SEPTIN9: variants seen among roughly 807,000 people sequenced by gnomAD.
SEPTIN9 encodes septin-9.
A neutral mutation model predicts 56.6 loss-of-function variants in SEPTIN9; 13 were observed. The observed-to-expected ratio is 0.23, with a 90% CI of 0.15 to 0.37. SEPTIN9 has a LOEUF of 0.37. SEPTIN9 is among the 10% of genes least tolerant of loss of function. The pLI, the probability that SEPTIN9 is intolerant of heterozygous loss-of-function variation, is 1.00. For synonymous variants in SEPTIN9, 332 were observed against 334.1 expected (o/e 0.99, Z 0.07); for missense variants, 650 against 823.1 (o/e 0.79, Z 2.57).
intron 3 of SEPTIN9, among the ~76,000 whole-genome samples, chr17:77,457,041 C>T (rs189609564): frequency 6.6e-6 from 1 of 152,346 alleles, no homozygotes; most frequent in East Asian, 1.9e-4. Context: ...GACTCCTCTA[C>T]TTGTCTTCTT....
intron 2 of SEPTIN9, among the ~76,000 whole-genome samples, chr17:77,384,345 G>A (rs1490895818): frequency 1.3e-5 from 2 of 152,146 alleles, no homozygotes; most frequent in Non-Finnish European, 2.9e-5. Flanking sequence ...ACTTCTGCAT[G>A]TCCTTCAGTG....
At position 77,286,647 on chromosome 17, in the gene SEPTIN9, G is replaced by A. The variant is rs567749248; in HGVS notation, c.19+5093G>A. Among the ~76,000 whole-genome samples, 753 of 152,152 alleles carry A rather than the reference G, an allele frequency of 4.9e-3. 4 individuals are homozygous for A. Among genetic ancestry groups the A allele is most frequent in the Non-Finnish European group, 8.9e-3 (605 of 67,972 alleles). The stretch of plus-strand genomic sequence containing the variant: ...TGACACTCTCCTGCCATCCCAGGCA[G>A]CCCTGACAGCCCCATGTGACTGGGA... On this transcript the variant is annotated intron_variant, in intron 1 of 11. Coordinates refer to ENST00000427177, the MANE Select transcript of SEPTIN9 (RefSeq NM_001113491.2).
At chr17:77,430,414 G>A (rs1035393875) in intron 3 of SEPTIN9, among the ~76,000 whole-genome samples, 14 of 152,178 alleles carry the variant, frequency 9.2e-5, no homozygotes, top group African/African-American at 7.2e-5. Flanking sequence ...CCACTAGGCC[G>A]TGGATAGAGC....
rs760726891 is a variant in SEPTIN9 at position 77,425,545 on chromosome 17, G to A, written c.721+22842G>A. ...TGGAAGGAGCTGCAGCTGAGCTGGC[G>A]GGCCTCGCACACCCCCAAGGCCGCC... On this transcript the variant is annotated intron_variant, in intron 3 of 11. Transcript: ENST00000427177. This position sits in a 1 kb window ranked among gnomAD's most constrained non-coding sequence, Gnocchi z 4.2. Among the ~76,000 whole-genome samples the A allele has an allele frequency of 7.2e-5, 11 of 152,134 alleles. No homozygotes were observed. The highest frequency in any genetic ancestry group is 1.7e-4 in the African/African-American group (7 of 41,418).
intron 2 of SEPTIN9, among the ~76,000 whole-genome samples, chr17:77,338,699 G>A (rs1339403243): frequency 6.6e-6 from 1 of 152,292 alleles, no homozygotes; most frequent in South Asian, 2.1e-4. Flanking sequence ...GATTACAGGC[G>A]TGAGCCACTG....
At position 77,490,312 on chromosome 17, in the gene SEPTIN9, C is replaced by T. The variant is rs1188693615; in HGVS notation, c.1263-430C>T. ...GGCCAAGCAGGCAAGGGGAGCAGCC[C>T]GCCTGGTGCAGGGGAGCAGCCCGCC... On this transcript the variant is annotated intron_variant, in intron 7 of 11. Transcript: ENST00000427177. Among the ~76,000 whole-genome samples the T allele has an allele frequency of 3.3e-5, 5 of 152,004 alleles. No individual in the cohort carries two copies. The East Asian group carries it at 6.0e-4, about 18-fold the overall frequency.
At chr17:77,342,065 ACT>A (rs982355772) in intron 2 of SEPTIN9, among the ~76,000 whole-genome samples, 21 of 135,154 alleles carry the variant, frequency 1.6e-4, no homozygotes, top group African/African-American at 5.4e-4. Context: ...ACAGAGCAAG[ACT>A]CTGTCTCAAA....
At position 77,488,811 on chromosome 17, in the gene SEPTIN9, C is replaced by T. The variant is rs567692033; in HGVS notation, c.1209C>T (p.Ile403=). ...TCAACATCAACCGCAAGAAGCGCATCCCGGACACCCGCGTCCACTGCTGCC... is the reference window on the plus strand; with the variant it reads ...TCAACATCAACCGCAAGAAGCGCATTCCGGACACCCGCGTCCACTGCTGCC... The part of the protein sequence containing the change: ...EEVNINRKKR[I]PDTRVHCCLY... The change falls in exon 7 of 12, where the codon ATC becomes ATT. Residue 403 remains isoleucine, a synonymous_variant. Transcript: ENST00000427177. 6.2e-7 allele frequency: 1 copy of T among 1,613,646 alleles called. No homozygotes were observed.
chr17:77,412,106 G>A (rs990081467), intron 3 of SEPTIN9, among the ~76,000 whole-genome samples: 5 of 149,692 alleles, frequency 3.3e-5, no homozygotes, highest in African/African-American at 7.4e-5. Context: ...CTCCAGCCTG[G>A]GTGACAGAGC....
intron 3 of SEPTIN9, among the ~76,000 whole-genome samples, chr17:77,461,393 G>A (rs1259356813): frequency 6.6e-6 from 1 of 152,188 alleles, no homozygotes; most frequent in Non-Finnish European, 1.5e-5. Context: ...GTGAGGAGCT[G>A]CAGAGAAGGT....
Position 77,402,156 on chromosome 17 carries a change from C to T in SEPTIN9, c.174C>T (p.Ser58=), listed in dbSNP as rs1265697912. The stretch of plus-strand genomic sequence containing the variant: ...CCCTACTCCGAGCCACTGTGGCCAG[C>T]TCCACCCAGAAATTCCAGGACCTGG... The part of the protein sequence containing the change: ...QTPLLRATVA[S]STQKFQDLGV... The change falls in exon 3 of 12, where the codon AGC becomes AGT. Residue 58 remains serine (S), a synonymous_variant. Transcript: ENST00000427177. The surrounding 1 kb of genome is among the most constrained non-coding windows in gnomAD (Gnocchi z 6.6). The T allele has an allele frequency of 6.2e-7, 1 of 1,613,760 alleles. No homozygotes were observed. Among genetic ancestry groups the T allele is most frequent in the South Asian group, 1.1e-5 (1 of 91,082 alleles).
intron 3 of SEPTIN9, among the ~76,000 whole-genome samples, chr17:77,406,582 G>A (rs1383653663): frequency 6.6e-6 from 1 of 151,926 alleles, no homozygotes; most frequent in Non-Finnish European, 1.5e-5. Context: ...CATGCTTGAG[G>A]TTTTGCTGTA....
chr17:77,485,448 G>C (rs1332493947), intron 4 of SEPTIN9, among the ~76,000 whole-genome samples: 1 of 151,716 alleles, frequency 6.6e-6, no homozygotes, highest in Non-Finnish European at 1.5e-5. Flanking sequence ...GACGGAAGTG[G>C]TGATGATGGC....
Position 77,456,331 on chromosome 17 carries a change from C to T in SEPTIN9, c.722-25813C>T, listed in dbSNP as rs1568083499. 1 of 152,234 alleles carries T rather than the reference C, an allele frequency of 6.6e-6. No homozygotes were observed. Among genetic ancestry groups the T allele is most frequent in the Non-Finnish European group, 1.5e-5 (1 of 68,090 alleles). The allele number at this position is 152,234 out of a possible 1,614,324, so 9.4% of individuals were successfully genotyped here. A position where few individuals can be genotyped will look rare whatever the true frequency, so the allele number is the denominator to read the frequency against. ...AGCAGGTGTGGTGTGCGTCCTCCTG[C>T]GGGTTCTCCACCTCTTGGCTTCGTT... is the stretch of plus-strand genomic sequence containing the variant. On this transcript the variant is annotated intron_variant, in intron 3 of 11. Coordinates refer to ENST00000427177, the MANE Select transcript of SEPTIN9 (RefSeq NM_001113491.2). This position sits in a 1 kb window ranked among gnomAD's most constrained non-coding sequence, Gnocchi z 6.0.
chr17:77,291,657 T>G (rs993097093), intron 1 of SEPTIN9, among the ~76,000 whole-genome samples: 37 of 152,132 alleles, frequency 2.4e-4, no homozygotes, highest in African/African-American at 8.9e-4. Context: ...TTTGTTTTTG[T>G]AGCGACAGGG....
In SEPTIN9 at chr17:77,487,317, T is replaced by C. The variant is rs910126031; in HGVS notation, c.914-107T>C. The stretch of plus-strand genomic sequence containing the variant: ...TGCCGGGAGGTAGCCCAGGCACTGC[T>C]GAATCTCAGACTGGAGAGCCTCGTG... On this transcript the variant is annotated intron_variant, in intron 4 of 11. Coordinates refer to ENST00000427177, the MANE Select transcript of SEPTIN9 (RefSeq NM_001113491.2). The surrounding 1 kb of genome is among the most constrained non-coding windows in gnomAD (Gnocchi z 4.3). The C allele has an allele frequency of 1.6e-6, 2 of 1,277,398 alleles. No homozygotes were observed. The highest frequency in any genetic ancestry group is 2.2e-6 in the Non-Finnish European group (2 of 902,730). The allele number at this position is 1,277,398 out of a possible 1,614,324, so 79.1% of individuals were successfully genotyped here. A position where few individuals can be genotyped will look rare whatever the true frequency, so the allele number is the denominator to read the frequency against.
At position 77,346,278 on chromosome 17, in the gene SEPTIN9, C is replaced by CTTTTTTTTTTTTTTTTTTTTTTTTT. The variant is rs577131369; in HGVS notation, c.76+39086_76+39110dup. ...AGATTCTTAAAGCAGATCCTTAGGT[C>CTTTTTTTTTTTTTTTTTTTTTTTTT]TTTTTTTTTTTTTTTTTTTTTTTTT... is the stretch of plus-strand genomic sequence containing the variant. On this transcript the variant is annotated intron_variant, in intron 2 of 11. Coordinates refer to ENST00000427177, the MANE Select transcript of SEPTIN9 (RefSeq NM_001113491.2). 4.5e-4 allele frequency among the ~76,000 whole-genome samples: 21 copies of CTTTTTTTTTTTTTTTTTTTTTTTTT among 46,318 alleles called. 1 individual carries two copies. The highest frequency in any genetic ancestry group is 1.1e-3 in the South Asian group (1 of 888). The allele number at this position is 46,318 out of a possible 152,430, so 30.4% of individuals were successfully genotyped here.
chr17:77,356,657 T>C, intron 2 of SEPTIN9, among the ~76,000 whole-genome samples: 1 of 114,318 alleles, frequency 8.7e-6, no homozygotes, highest in Non-Finnish European at 1.8e-5. Context: ...TATCTTCTCT[T>C]CCTGCTTTCC....
At chr17:77,341,199 C>A (rs150292690) in intron 2 of SEPTIN9, among the ~76,000 whole-genome samples, 156 of 152,268 alleles carry the variant, frequency 1.0e-3, no homozygotes, top group African/African-American at 3.5e-3. Flanking sequence ...TTTCGACACG[C>A]CTTCCTCACT....
Sources: allele counts gnomAD v4.1 joint callset (sites outside exome capture counted in the v4.1 genomes callset), GRCh38; gene constraint gnomAD v4.1.1; non-coding constraint Gnocchi (gnomAD v3.1); transcripts MANE v1.5; gene names NCBI Gene and HGNC (gene_info 2026-07-23, HGNC 2026-07-21).